The following A1CF variants were observed in gnomAD, a reference collection of about 807,000 sequenced individuals.
The protein encoded by A1CF is APOBEC-1 stimulating protein.
A1CF carries 48 observed loss-of-function variants against 68.9 expected under a neutral mutation model. The ratio of observed to expected loss-of-function variants is 0.70; its 90% CI spans 0.55 to 0.89. The LOEUF (loss-of-function observed/expected upper bound fraction) is 0.89. Among genes scored for constraint, A1CF ranks in the 40% least tolerant of loss-of-function variants. The probability of loss-of-function intolerance (pLI) is 0.00; values close to 1 mark genes in which losing one functional copy is unlikely to be tolerated. For synonymous variants in A1CF, 272 were observed against 260.4 expected, an observed-to-expected ratio of 1.04 and a Z score of -0.43; for missense variants, 653 against 718.9, an observed-to-expected ratio of 0.91 and a Z score of 1.05.
intron 3 of A1CF, chr10:50,850,826 G>C: frequency 6.2e-7 from 1 of 1,601,800 alleles, no homozygotes; most frequent in Non-Finnish European, 8.5e-7. Context: ...AAGTAATTAG[G>C]TGACAGCTTT....
intron 3 of A1CF, among the ~76,000 whole-genome samples, chr10:50,853,834 T>C (rs1840360333): frequency 6.8e-6 from 1 of 147,752 alleles, no homozygotes; most frequent in South Asian, 2.1e-4. Context: ...AAAAAAAAAA[T>C]CATATCTTGC....
chr10:50,843,623 C>T (rs1275820620), intron 4 of A1CF, among the ~76,000 whole-genome samples: 1 of 152,062 alleles, frequency 6.6e-6, no homozygotes, highest in Admixed American at 6.6e-5. Context: ...AAATGTTGTA[C>T]TTTATAAAAC....
intron 1 of A1CF, among the ~76,000 whole-genome samples, chr10:50,872,117 T>C (rs1410459095): frequency 6.6e-6 from 1 of 150,530 alleles, no homozygotes; most frequent in Non-Finnish European, 1.5e-5. Flanking sequence ...GAAATCAAAA[T>C]AGCTTATAAA....
chr10:50,856,177 C>A lies in A1CF; in HGVS notation c.99+3665G>T, dbSNP rs12770593. ...ATCATGGACAAATAGTTGGGTATTG[C>A]GTACCTGATCTTCCAGGAGATTATG... On this transcript the variant is annotated intron_variant, in intron 3 of 12. Coordinates refer to ENST00000373997, the MANE Select transcript of A1CF (RefSeq NM_014576.4). Among the ~76,000 whole-genome samples, 7 of 151,944 alleles carry A rather than the reference C, an allele frequency of 4.6e-5. No individual in the cohort carries two copies. The East Asian group carries it at 9.7e-4, about 21-fold the overall frequency.
At chr10:50,842,578 TCCAG>T in intron 4 of A1CF, among the ~76,000 whole-genome samples, 1 of 152,300 alleles carries the variant, frequency 6.6e-6, no homozygotes. Flanking sequence ...GCCACTGCAC[TCCAG>T]CCTGGAAAAC....
chr10:50,809,194 G>GTT (rs1766802838), intron 12 of A1CF, among the ~76,000 whole-genome samples: 1 of 152,114 alleles, frequency 6.6e-6, no homozygotes, highest in South Asian at 2.1e-4. Flanking sequence ...TCCACGGATA[G>GTT]GCTTTGCTTT....
intron 3 of A1CF, among the ~76,000 whole-genome samples, chr10:50,845,625 C>T (rs902934683): frequency 6.6e-6 from 1 of 152,230 alleles, no homozygotes; most frequent in Admixed American, 6.5e-5. Context: ...TCCTTTGATA[C>T]GTGGAAGCCA....
chr10:50,824,695 A>G (rs970705569), intron 7 of A1CF, among the ~76,000 whole-genome samples: 3 of 152,190 alleles, frequency 2.0e-5, no homozygotes, highest in Admixed American at 6.6e-5. Context: ...GAGTGAGTGA[A>G]TGGAATAAGG....
intron 6 of A1CF, among the ~76,000 whole-genome samples, chr10:50,835,694 G>A (rs1290407134): frequency 6.6e-6 from 1 of 152,186 alleles, no homozygotes; most frequent in Non-Finnish European, 1.5e-5. Flanking sequence ...GGTATCACTT[G>A]AGGTTTTTAT....
chr10:50,829,188 C>A (rs930188710), intron 6 of A1CF, among the ~76,000 whole-genome samples: 1 of 152,024 alleles, frequency 6.6e-6, no homozygotes, highest in Non-Finnish European at 1.5e-5. Context: ...TTTCCCAGGC[C>A]TGTTCTACTT....
intron 9 of A1CF, among the ~76,000 whole-genome samples, chr10:50,814,429 G>A (rs767951801): frequency 3.3e-5 from 5 of 152,074 alleles, no homozygotes; most frequent in Non-Finnish European, 4.4e-5. Flanking sequence ...AACATAATGC[G>A]ACCACTTATT....
chr10:50,858,091 C>G (rs1197076121), intron 3 of A1CF, among the ~76,000 whole-genome samples: 1 of 152,056 alleles, frequency 6.6e-6, no homozygotes, highest in South Asian at 2.1e-4. Context: ...AAGAGGAAAA[C>G]ATAGTGCAGA....
chr10:50,839,606 G>A (rs1839678313), intron 5 of A1CF, among the ~76,000 whole-genome samples: 1 of 152,168 alleles, frequency 6.6e-6, no homozygotes, highest in African/African-American at 2.4e-5. Context: ...AAGCTCTTTT[G>A]GGTCCATGGA....
In A1CF at chr10:50,809,878, C is replaced by T; in HGVS notation, c.1609+16G>A. 1 of 1,613,482 alleles carries T rather than the reference C, an allele frequency of 6.2e-7. No individual in the cohort carries two copies. Among genetic ancestry groups the T allele is most frequent in the Non-Finnish European group, 8.5e-7 (1 of 1,179,700 alleles). On this transcript the variant is annotated intron_variant, in intron 12 of 12. Coordinates refer to ENST00000373997, the MANE Select transcript of A1CF (RefSeq NM_014576.4). ...ACTCTCTGCAGGGCGCCATTTCTGG[C>T]ACAATTTTCCCATACCTGGGAAAGC...
At chr10:50,858,440 A>G (rs1438993560) in intron 3 of A1CF, among the ~76,000 whole-genome samples, 2 of 152,078 alleles carry the variant, frequency 1.3e-5, no homozygotes, top group African/African-American at 4.8e-5. Context: ...TTTACTTAAT[A>G]ATTTTCTTGT....
At chr10:50,884,783 AG>A (rs1233080605) in intron 1 of A1CF, among the ~76,000 whole-genome samples, 16 of 152,338 alleles carry the variant, frequency 1.1e-4, no homozygotes, top group Admixed American at 9.2e-4. Flanking sequence ...CAGAGAGTTT[AG>A]GGGGTTTCTG....
chr10:50,875,732 G>A (rs139156245), intron 1 of A1CF, among the ~76,000 whole-genome samples: 3 of 152,248 alleles, frequency 2.0e-5, no homozygotes, highest in Non-Finnish European at 4.4e-5. Context: ...CTTACCCTGA[G>A]CTCAGCTAAA....
chr10:50,834,117 A>G (rs1277963331), intron 6 of A1CF, among the ~76,000 whole-genome samples: 1 of 152,096 alleles, frequency 6.6e-6, no homozygotes, highest in African/African-American at 2.4e-5. Context: ...CGGTGGGCCA[A>G]TGTGCCATTC....
In A1CF at chr10:50,854,367, A is replaced by G; in HGVS notation, c.99+5475T>C. On this transcript the variant is annotated intron_variant, in intron 3 of 12. Coordinates refer to ENST00000373997, the MANE Select transcript of A1CF (RefSeq NM_014576.4). ...GTCTTTGAAAATTCTTTGAAATCAT[A>G]ATTTTATATTACTGTATAATTTGAA... Among the ~76,000 whole-genome samples the G allele has an allele frequency of 2.0e-5, 3 of 152,182 alleles. No individual in the cohort carries two copies. In the South Asian group the frequency reaches 6.2e-4, roughly 32 times the overall value.
Sources: allele counts gnomAD v4.1 joint callset (sites outside exome capture counted in the v4.1 genomes callset), GRCh38; gene constraint gnomAD v4.1.1; transcripts MANE v1.5; gene names NCBI Gene and HGNC (gene_info 2026-07-23, HGNC 2026-07-21).